Variants in PDE10A observed in about 807,000 individuals in gnomAD.
The protein encoded by PDE10A is cAMP and cAMP-inhibited cGMP 3',5'-cyclic phosphodiesterase 10A.
Under a neutral mutation model 97.7 loss-of-function variants are expected in PDE10A, and 39 were observed. The ratio of observed to expected loss-of-function variants is 0.40; its 90% CI spans 0.31 to 0.52. The LOEUF is 0.52. PDE10A is among the 20% of genes least tolerant of loss of function. The pLI is 0.56. For missense variants in PDE10A, 731 were observed against 1,047.8 expected, an observed-to-expected ratio of 0.70 and a Z score of 4.17; for synonymous variants, 371 against 376.8, an observed-to-expected ratio of 0.98 and a Z score of 0.18.
chr6:165,823,482 T>C (rs868466289), intron 1 of PDE10A, among the ~76,000 whole-genome samples: 1 of 37,504 alleles, frequency 2.7e-5, no homozygotes, highest in Non-Finnish European at 5.5e-5. Context: ...ATAGTTAACT[T>C]TATATATATA....
intron 1 of PDE10A, among the ~76,000 whole-genome samples, chr6:165,752,075 G>A (rs58541850): frequency 0.059 from 8,606 of 146,508 alleles, 459 homozygotes; most frequent in Admixed American, 0.17. Context: ...CCCGGGAGCC[G>A]GAGCTTGCAG....
At chr6:165,832,564 C>T (rs10452578) in intron 1 of PDE10A, among the ~76,000 whole-genome samples, 3 of 152,142 alleles carry the variant, frequency 2.0e-5, no homozygotes, top group African/African-American at 4.8e-5. Context: ...CTCAGCCAAC[C>T]CCAGGAACCC....
At chr6:165,816,753 C>A (rs1379550061) in intron 1 of PDE10A, among the ~76,000 whole-genome samples, 1 of 152,132 alleles carries the variant, frequency 6.6e-6, no homozygotes, top group Admixed American at 6.5e-5. Flanking sequence ...GCCCTGGGGG[C>A]TCAGACGGTG....
chr6:165,986,253 A>C (rs1168972846), intron 1 of PDE10A: 1 of 151,476 alleles, frequency 6.6e-6, no homozygotes, highest in Non-Finnish European at 1.5e-5. Context: ...TTCTTTCCCC[A>C]CCCCCTGGCC....
At chr6:165,551,654 A>G (rs1357614740) in intron 1 of PDE10A, among the ~76,000 whole-genome samples, 1 of 152,180 alleles carries the variant, frequency 6.6e-6, no homozygotes, top group Non-Finnish European at 1.5e-5. Flanking sequence ...TTAAGGCCAG[A>G]CTGCCTTGTG....
intron 1 of PDE10A, among the ~76,000 whole-genome samples, chr6:165,684,867 A>C (rs189778618): frequency 6.6e-6 from 1 of 152,250 alleles, no homozygotes; most frequent in South Asian, 2.1e-4. Flanking sequence ...AAGATTTTGA[A>C]TAACACTGTG....
At chr6:165,494,022 A>G (rs1780378328) in intron 2 of PDE10A, among the ~76,000 whole-genome samples, 1 of 151,988 alleles carries the variant, frequency 6.6e-6, no homozygotes, top group Admixed American at 6.6e-5. Flanking sequence ...TGAATAGACA[A>G]TTCTCAAAAG....
chr6:165,772,527 G>T (rs531036773), intron 1 of PDE10A, among the ~76,000 whole-genome samples: 14 of 152,142 alleles, frequency 9.2e-5, no homozygotes, highest in Admixed American at 3.3e-4. Context: ...GTTGCCATGG[G>T]GTCATTATCA....
At chr6:165,712,938 C>T (rs189029160) in intron 1 of PDE10A, among the ~76,000 whole-genome samples, 1 of 152,330 alleles carries the variant, frequency 6.6e-6, no homozygotes, top group East Asian at 1.9e-4. Context: ...CCGCACCCGG[C>T]CCGTTTTAAC....
rs1437237064 is a variant in PDE10A, at chr6:165,819,727, G to T, written c.-615+167802C>A. ...CCACGTACTCCTCACCCGCCCTCCC[G>T]CTGTGAGCACATTCCGGCCAGGATC... On this transcript the variant is annotated intron_variant, in intron 1 of 19. Coordinates refer to the PDE10A transcript ENST00000366882. The surrounding 1 kb of genome is among the most constrained non-coding windows in gnomAD (Gnocchi z 4.2). Among the ~76,000 whole-genome samples the T allele has an allele frequency of 2.0e-5, 3 of 152,148 alleles. No individual in the cohort carries two copies. The highest frequency in any genetic ancestry group is 6.5e-5 in the Admixed American group (1 of 15,276).
intron 1 of PDE10A, among the ~76,000 whole-genome samples, chr6:165,556,861 C>T (rs888434727): frequency 2.0e-4 from 31 of 152,030 alleles, no homozygotes; most frequent in South Asian, 2.1e-4. Context: ...AATTCTGAGC[C>T]GGGTGCAGTG....
intron 1 of PDE10A, among the ~76,000 whole-genome samples, chr6:165,630,366 A>C (rs1417935347): frequency 6.6e-6 from 1 of 152,094 alleles, no homozygotes; most frequent in Non-Finnish European, 1.5e-5. Context: ...CAAACAAAAA[A>C]CTGTATATAG....
chr6:165,338,884 C>T (rs990797355), intron 20 of PDE10A, among the ~76,000 whole-genome samples: 10 of 152,290 alleles, frequency 6.6e-5, no homozygotes, highest in African/African-American at 2.2e-4. Context: ...AGCTTCTGTC[C>T]TCTGAGCACT....
chr6:165,515,632 TC>T (rs1309710873), intron 2 of PDE10A, among the ~76,000 whole-genome samples: 1 of 150,946 alleles, frequency 6.6e-6, no homozygotes, highest in African/African-American at 2.4e-5. Context: ...CAAACGATTC[TC>T]CTGCCTCAGC....
intron 1 of PDE10A, among the ~76,000 whole-genome samples, chr6:165,793,368 G>GA (rs942077047): frequency 1.3e-4 from 19 of 150,974 alleles, no homozygotes; most frequent in Admixed American, 6.6e-4. Flanking sequence ...CCTGTCATCA[G>GA]AAAAAAAAAT....
At chr6:165,391,937 G>A (rs1394403139) in intron 16 of PDE10A, among the ~76,000 whole-genome samples, 1 of 152,172 alleles carries the variant, frequency 6.6e-6, no homozygotes, top group Non-Finnish European at 1.5e-5. Flanking sequence ...TTTTTACAGA[G>A]GAGAGAAAGG....
rs757080566 is a variant in PDE10A, at chr6:165,714,970, T to C, written c.-614-171402A>G. Among the ~76,000 whole-genome samples the C allele has an allele frequency of 9.2e-5, 14 of 152,296 alleles. 1 individual carries two copies. The highest frequency in any genetic ancestry group is 1.9e-4 in the Non-Finnish European group (13 of 68,020). On this transcript the variant is annotated intron_variant, in intron 1 of 19. Coordinates refer to the PDE10A transcript ENST00000366882. ...TGTTCCCTTGCTCTCCGCAAAGCCC[T>C]GAGGAGCACAAAGACCCGGTGTGAA...
chr6:165,421,681 T>C (rs555590383), intron 10 of PDE10A, among the ~76,000 whole-genome samples: 48 of 152,318 alleles, frequency 3.2e-4, no homozygotes, highest in African/African-American at 9.9e-4. Context: ...GAGGTATACA[T>C]ATTTGAAGAG....
chr6:165,336,240 A>G (rs1185220808), intron 20 of PDE10A, 29 bp from the exon 21 acceptor site: 2 of 1,483,512 alleles, frequency 1.3e-6, no homozygotes, highest in South Asian at 2.3e-5. Flanking sequence ...CACGGACAAG[A>G]AACAAAAGTG....
Sources: gnomAD v4.1 joint callset for allele counts (sites outside exome capture counted in the v4.1 genomes callset) on GRCh38, gnomAD v4.1.1 for gene constraint, Gnocchi (gnomAD v3.1) non-coding constraint, MANE v1.5 for transcripts, NCBI Gene and HGNC (gene_info 2026-07-23, HGNC 2026-07-21) for gene names.